PTK2B: variants seen among roughly 807,000 people sequenced by gnomAD.
The protein encoded by PTK2B is protein-tyrosine kinase 2-beta.
PTK2B carries 71 observed loss-of-function variants against 142.9 expected under a neutral mutation model. The ratio of observed to expected loss-of-function variants is 0.50; its 90% CI spans 0.41 to 0.61. The LOEUF (loss-of-function observed/expected upper bound fraction) is 0.61. Among genes scored for constraint, PTK2B ranks in the 20% least tolerant of loss-of-function variants. The probability of loss-of-function intolerance (pLI) is 0.00; values close to 1 mark genes in which losing one functional copy is unlikely to be tolerated. For missense variants in PTK2B, 1,105 were observed against 1,320.4 expected, an observed-to-expected ratio of 0.84 and a Z score of 2.53; for synonymous variants, 519 against 503.4, an observed-to-expected ratio of 1.03 and a Z score of -0.42.
chr8:27,443,885 C>T (rs1204424718), intron 22 of PTK2B, among the ~76,000 whole-genome samples: 1 of 152,198 alleles, frequency 6.6e-6, no homozygotes, highest in Non-Finnish European at 1.5e-5. Flanking sequence ...TGAGCTCCTA[C>T]CTCTGCATGC....
chr8:27,311,134 C>G, upstream of PTK2B: 4 of 1,603,350 alleles, frequency 2.5e-6, 1 homozygote, highest in Non-Finnish European at 3.4e-6. Flanking sequence ...GGCCGCAGCG[C>G]AGAGTGACTG....
intron 1 of PTK2B, among the ~76,000 whole-genome samples, chr8:27,369,337 G>T (rs62502395): frequency 4.6e-5 from 7 of 152,076 alleles, no homozygotes; most frequent in Admixed American, 4.6e-4. Flanking sequence ...GTTTCTATCT[G>T]CAAAGAACCC....
At chr8:27,442,138 G>A (rs1190545785) in intron 21 of PTK2B, among the ~76,000 whole-genome samples, 2 of 152,172 alleles carry the variant, frequency 1.3e-5, no homozygotes, top group Non-Finnish European at 2.9e-5. Flanking sequence ...GTGTCTCTGT[G>A]TAACAATAGT....
At chr8:27,409,973 C>T (rs1190797566) in intron 2 of PTK2B, among the ~76,000 whole-genome samples, 4 of 152,156 alleles carry the variant, frequency 2.6e-5, no homozygotes, top group East Asian at 1.9e-4. Flanking sequence ...CCTCCTGCCT[C>T]GGCCTCCCAA....
At chr8:27,311,413 C>T (rs890498474), upstream of PTK2B, 1 of 772,124 alleles carries the variant, frequency 1.3e-6, no homozygotes, top group Non-Finnish European at 2.0e-6. Context: ...GGAGGGGGCG[C>T]TCGGAGGAGC....
chr8:27,442,350 G>A (rs1811202652), intron 21 of PTK2B, among the ~76,000 whole-genome samples: 1 of 152,174 alleles, frequency 6.6e-6, no homozygotes, highest in African/African-American at 2.4e-5. Flanking sequence ...GTGATTCCAG[G>A]TTAGGAGCAC....
At chr8:27,439,811 A>T (rs1370306578) in intron 20 of PTK2B, among the ~76,000 whole-genome samples, 1 of 152,192 alleles carries the variant, frequency 6.6e-6, no homozygotes, top group African/African-American at 2.4e-5. Context: ...CCTGTAGAAC[A>T]TTATTATTAC....
At chr8:27,368,154 C>T (rs745993476) in intron 1 of PTK2B, among the ~76,000 whole-genome samples, 1 of 152,186 alleles carries the variant, frequency 6.6e-6, no homozygotes, top group Admixed American at 6.5e-5. Flanking sequence ...GGAGTGAGTG[C>T]GGGACGGACG....
chr8:27,386,335 A>G lies in PTK2B; in HGVS notation c.-37-11213A>G, dbSNP rs547276162. On this transcript the variant is annotated intron_variant, in intron 1 of 30. Coordinates refer to ENST00000346049, the MANE Select transcript of PTK2B (RefSeq NM_173176.3). ...GGTATGTTTCCCAACGTTGGGTAGC[A>G]AGATCAACACATGTGAGTTATTTTG... Among the ~76,000 whole-genome samples, 23 of 151,902 alleles carry G rather than the reference A, an allele frequency of 1.5e-4. 1 individual carries two copies. In the South Asian group the frequency reaches 4.8e-3, roughly 32 times the overall value.
rs765152088 is a variant in PTK2B, at chr8:27,434,144, G to A, written c.1145+12G>A. ...CAGATCCCCATGCTGTGAGTACAAT[G>A]GGGTGCAGAGGACAGGGCCCTGAGC... On this transcript the variant is annotated intron_variant, in intron 12 of 30. Transcript: ENST00000346049. 8 of 1,613,438 alleles carry A rather than the reference G, an allele frequency of 5.0e-6. No individual in the cohort carries two copies. The highest frequency in any genetic ancestry group is 3.3e-5 in the Admixed American group (2 of 60,028).
At chr8:27,312,148 T>G (rs1373101013) in intron 1 of PTK2B, among the ~76,000 whole-genome samples, 1 of 152,188 alleles carries the variant, frequency 6.6e-6, no homozygotes, top group Non-Finnish European at 1.5e-5. Context: ...CATTCCTGCT[T>G]CAGTTTGATC....
chr8:27,377,269 T>G (rs540188783), intron 1 of PTK2B, among the ~76,000 whole-genome samples: 2 of 152,336 alleles, frequency 1.3e-5, no homozygotes, highest in East Asian at 3.9e-4. Context: ...TTGGGTGATC[T>G]GTGATCACGG....
At chr8:27,388,475 G>T (rs1807508912) in intron 1 of PTK2B, among the ~76,000 whole-genome samples, 1 of 152,244 alleles carries the variant, frequency 6.6e-6, no homozygotes. Context: ...CATGCACCTT[G>T]TACATTGTTG....
At chr8:27,415,475 G>T (rs1295517428) in intron 2 of PTK2B, among the ~76,000 whole-genome samples, 1 of 152,214 alleles carries the variant, frequency 6.6e-6, no homozygotes, top group Non-Finnish European at 1.5e-5. Flanking sequence ...AGATAACAAT[G>T]ATAAAATCTG....
At chr8:27,383,246 C>G (rs1468847154) in intron 1 of PTK2B, among the ~76,000 whole-genome samples, 2 of 152,050 alleles carry the variant, frequency 1.3e-5, no homozygotes, top group African/African-American at 4.8e-5. Context: ...CCCACCCCCC[C>G]ACTCTCCCAA....
chr8:27,316,628 C>A (rs74633093), intron 3 of PTK2B, among the ~76,000 whole-genome samples: 1 of 152,214 alleles, frequency 6.6e-6, no homozygotes, highest in Non-Finnish European at 1.5e-5. Context: ...CAGACATAAT[C>A]GACCTTGTTC....
chr8:27,408,007 C>T (rs144870578), intron 2 of PTK2B, among the ~76,000 whole-genome samples: 1 of 152,314 alleles, frequency 6.6e-6, no homozygotes, highest in African/African-American at 2.4e-5. Context: ...TAAATCTTTA[C>T]TGTAATCTCT....
chr8:27,348,707 G>A (rs1209550443), intron 1 of PTK2B, among the ~76,000 whole-genome samples: 1 of 152,202 alleles, frequency 6.6e-6, no homozygotes, highest in Middle Eastern at 3.4e-3. Context: ...ACTTGGCATT[G>A]GGCAATATCT....
chr8:27,311,081 T>C, upstream of PTK2B: 1 of 1,596,884 alleles, frequency 6.3e-7, no homozygotes, highest in Non-Finnish European at 8.5e-7. Flanking sequence ...GGGCGACACC[T>C]GCACCTCCCA....
Sources: allele counts gnomAD v4.1 joint callset (sites outside exome capture counted in the v4.1 genomes callset), GRCh38; gene constraint gnomAD v4.1.1; transcripts MANE v1.5; gene names NCBI Gene and HGNC (gene_info 2026-07-23, HGNC 2026-07-21).